Variants in CCNY observed in about 807,000 individuals in gnomAD.
CCNY encodes cyclin-Y.
Under a neutral mutation model 42.8 loss-of-function variants are expected in CCNY, and 19 were observed. The observed-to-expected ratio is 0.44, with a 90% confidence interval of 0.31 to 0.65. The LOEUF is 0.65. CCNY is among the 30% of genes least tolerant of loss of function. The pLI is 0.07. For missense variants in CCNY, 370 were observed against 437.3 expected (o/e 0.85, Z 1.37); for synonymous variants, 165 against 162.7 (o/e 1.01, Z -0.11).
chr10:35,464,563 CT>C (rs113364772), intron 1 of CCNY, among the ~76,000 whole-genome samples: 3,828 of 143,166 alleles, frequency 0.027, 98 homozygotes, highest in African/African-American at 0.074. Flanking sequence ...GCCCAGTATG[CT>C]TTTTTTTTTT....
At chr10:35,513,799 C>G (rs1840369901) in intron 3 of CCNY, among the ~76,000 whole-genome samples, 1 of 152,098 alleles carries the variant, frequency 6.6e-6, no homozygotes, top group Non-Finnish European at 1.5e-5. Flanking sequence ...AAGATGGGAA[C>G]CTAAGTGGGA....
At chr10:35,390,276 C>A (rs1001347407) in intron 1 of CCNY, among the ~76,000 whole-genome samples, 3 of 152,152 alleles carry the variant, frequency 2.0e-5, no homozygotes, top group African/African-American at 7.2e-5. Flanking sequence ...GCAAAACACC[C>A]CAAAATAGTT....
chr10:35,417,886 T>C (rs889382549), intron 1 of CCNY, among the ~76,000 whole-genome samples: 2 of 152,212 alleles, frequency 1.3e-5, no homozygotes, highest in Non-Finnish European at 2.9e-5. Flanking sequence ...TTCACCTCTC[T>C]AGCAATCTGT....
intron 1 of CCNY, among the ~76,000 whole-genome samples, chr10:35,454,013 G>T (rs1838975926): frequency 6.6e-6 from 1 of 152,292 alleles, no homozygotes; most frequent in African/African-American, 2.4e-5. Context: ...TCTCCTGGAG[G>T]TTCCAACTCA....
At chr10:35,556,690 G>A (rs1841368711) in intron 8 of CCNY, among the ~76,000 whole-genome samples, 1 of 152,062 alleles carries the variant, frequency 6.6e-6, no homozygotes, top group African/African-American at 2.4e-5. Context: ...CATAAATCAG[G>A]AATTTACAGT....
At chr10:35,271,585 G>T (rs970262962) in intron 3 of CCNY, among the ~76,000 whole-genome samples, 3 of 152,098 alleles carry the variant, frequency 2.0e-5, no homozygotes, top group African/African-American at 7.2e-5. Flanking sequence ...TGAAAGACAG[G>T]GTCACCCAGG....
chr10:35,310,691 G>A (rs1323858252), intron 3 of CCNY, among the ~76,000 whole-genome samples: 3 of 152,176 alleles, frequency 2.0e-5, no homozygotes, highest in Non-Finnish European at 2.9e-5. Flanking sequence ...GGTCATTTGT[G>A]TGTCTTCTCC....
At chr10:35,274,768 T>C (rs1272332094) in intron 3 of CCNY, among the ~76,000 whole-genome samples, 1 of 152,310 alleles carries the variant, frequency 6.6e-6, no homozygotes, top group East Asian at 1.9e-4. Context: ...CTCATCCTTT[T>C]TTTTTTGGGA....
At position 35,562,431 on chromosome 10, in the gene CCNY, C is replaced by G. The variant is rs868092723; in HGVS notation, c.747-3592C>G. On this transcript the variant is annotated intron_variant, in intron 8 of 9. Coordinates refer to ENST00000374704, the MANE Select transcript of CCNY (RefSeq NM_145012.6). ...ATCCATCTCTAGAACCCTTCATTTT[C>G]GCAAACTGAAACTCTCCCCCTGTTA... Among the ~76,000 whole-genome samples the G allele has an allele frequency of 7.0e-4, 106 of 152,326 alleles. 1 individual carries two copies. Among genetic ancestry groups the G allele is most frequent in the African/African-American group, 2.5e-3 (104 of 41,566 alleles).
At chr10:35,438,586 C>A (rs1441460038) in intron 1 of CCNY, among the ~76,000 whole-genome samples, 4 of 152,096 alleles carry the variant, frequency 2.6e-5, no homozygotes, top group African/African-American at 9.7e-5. Flanking sequence ...TTGTTTATAA[C>A]AAGTCATTTG....
chr10:35,463,955 G>A (rs968283869), intron 1 of CCNY, among the ~76,000 whole-genome samples: 18 of 152,336 alleles, frequency 1.2e-4, no homozygotes, highest in Admixed American at 1.2e-3. Context: ...AGTGGGCAGA[G>A]AAGGTGCAGG....
chr10:35,420,031 A>G (rs1403056040), intron 1 of CCNY, among the ~76,000 whole-genome samples: 3 of 146,182 alleles, frequency 2.1e-5, no homozygotes, highest in Middle Eastern at 3.4e-3. Flanking sequence ...AGTTTTGCTG[A>G]CTCCTGTTCT....
At chr10:35,540,811 G>T (rs1423941053) in intron 7 of CCNY, among the ~76,000 whole-genome samples, 1 of 152,094 alleles carries the variant, frequency 6.6e-6, no homozygotes, top group Non-Finnish European at 1.5e-5. Flanking sequence ...TCATGCAGTT[G>T]TTCCACAGTA....
rs201605350 is a variant in CCNY, at chr10:35,463,302, GCTTACTA to G, written c.155-20101_155-20095del. On this transcript the variant is annotated intron_variant, in intron 1 of 9. Transcript: ENST00000374704. ...TAAACATGTCTGGCACATGGTAGAT[GCTTACTA>G]AACATTAGTTTCTTCCTGTGTTCTT... is the stretch of plus-strand genomic sequence containing the variant. 7.9e-3 allele frequency among the ~76,000 whole-genome samples: 1,198 copies of G among 152,330 alleles called. 19 individuals are homozygous for G. Among genetic ancestry groups the G allele is most frequent in the African/African-American group, 0.028 (1,146 of 41,558 alleles).
chr10:35,379,117 G>A (rs1279443158), intron 1 of CCNY, among the ~76,000 whole-genome samples: 2 of 152,204 alleles, frequency 1.3e-5, no homozygotes, highest in Non-Finnish European at 2.9e-5. Context: ...AGCCTGATGA[G>A]ACCTCACGAT....
intron 1 of CCNY, among the ~76,000 whole-genome samples, chr10:35,362,455 T>C (rs1212240644): frequency 2.6e-5 from 4 of 152,118 alleles, no homozygotes; most frequent in African/African-American, 9.7e-5. Flanking sequence ...ACAGGATGTA[T>C]TTGGGTCTTG....
intron 8 of CCNY, among the ~76,000 whole-genome samples, chr10:35,553,650 G>C (rs1841305985): frequency 6.6e-6 from 1 of 152,200 alleles, no homozygotes; most frequent in African/African-American, 2.4e-5. Flanking sequence ...AACATCCACT[G>C]CTTTGTCATG....
intron 5 of CCNY, 139 bp downstream of exon 5, chr10:35,526,138 T>C: frequency 1.3e-6 from 1 of 769,580 alleles, no homozygotes; most frequent in Admixed American, 3.3e-5. Context: ...AAAGGTAATA[T>C]AATTTACTAA....
chr10:35,399,401 C>T (rs1158791300), intron 1 of CCNY, among the ~76,000 whole-genome samples: 1 of 152,074 alleles, frequency 6.6e-6, no homozygotes, highest in Non-Finnish European at 1.5e-5. Context: ...TCTTTTTACT[C>T]CACCACAGAA....
Sources: allele counts gnomAD v4.1 joint callset (sites outside exome capture counted in the v4.1 genomes callset), GRCh38; gene constraint gnomAD v4.1.1; transcripts MANE v1.5; gene names NCBI Gene and HGNC (gene_info 2026-07-23, HGNC 2026-07-21).